Variants in CDH7 observed in about 807,000 individuals in gnomAD.
CDH7 encodes cadherin 7, also known as cadherin-7.
In CDH7, 25 loss-of-function variants were observed where a neutral mutation model predicts 71.8. The observed-to-expected ratio is 0.35, with a 90% confidence interval of 0.25 to 0.49. The LOEUF is 0.49. CDH7 is among the 20% of genes least tolerant of loss of function. The probability of loss-of-function intolerance (pLI) is 0.99; values close to 1 mark genes in which losing one functional copy is unlikely to be tolerated. For synonymous variants in CDH7, 381 were observed against 363.8 expected, an observed-to-expected ratio of 1.05 and a Z score of -0.54; for missense variants, 862 against 974.6, an observed-to-expected ratio of 0.88 and a Z score of 1.54.
intron 4 of CDH7, among the ~76,000 whole-genome samples, chr18:65,821,237 G>GTTGTAAAT: frequency 6.6e-6 from 1 of 152,066 alleles, no homozygotes; most frequent in East Asian, 1.9e-4. Flanking sequence ...TATTTGCTTT[G>GTTGTAAAT]TTGTAAATTT....
At position 65,862,804 on chromosome 18, in the gene CDH7, A is replaced by G. The variant is rs1568226974; in HGVS notation, c.1751A>G (p.Asp584Gly). ...AACACCCTCACCATCCGCGTGTGTGACTGTGATGCTGACGGCGTAGCCCAG... is the reference window on the plus strand; with the variant it reads ...AACACCCTCACCATCCGCGTGTGTGGCTGTGATGCTGACGGCGTAGCCCAG... ...STNTLTIRVCDCDADGVAQTC... is the reference protein window; with the variant it reads ...STNTLTIRVCGCDADGVAQTC... The change falls in exon 11 of 12, where the codon GAC becomes GGC. Residue 584 changes from aspartate (D) to glycine (G), a missense_variant. Physicochemically the swap from Asp to Gly is moderately conservative, Grantham distance 94 (BLOSUM62 -1). Coordinates refer to ENST00000397968, the MANE Select transcript of CDH7 (RefSeq NM_004361.5). The G allele has an allele frequency of 3.7e-6, 6 of 1,614,148 alleles. No homozygotes were observed. Among genetic ancestry groups the G allele is most frequent in the Non-Finnish European group, 5.1e-6 (6 of 1,180,010 alleles).
intron 11 of CDH7, among the ~76,000 whole-genome samples, chr18:65,877,860 ATTG>A (rs1388636531): frequency 2.0e-5 from 3 of 152,178 alleles, no homozygotes; most frequent in South Asian, 2.1e-4. Context: ...TATTTTAAAA[ATTG>A]TTGTCTTTCT....
At chr18:65,757,405 C>T (rs745658811) in intron 1 of CDH7, among the ~76,000 whole-genome samples, 2 of 151,824 alleles carry the variant, frequency 1.3e-5, no homozygotes, top group Admixed American at 6.6e-5. Flanking sequence ...TGCTTCAGTC[C>T]GTTCAAAATA....
chr18:65,854,747 A>G (rs1913288039), intron 7 of CDH7, among the ~76,000 whole-genome samples: 1 of 152,110 alleles, frequency 6.6e-6, no homozygotes, highest in Non-Finnish European at 1.5e-5. Flanking sequence ...AGGTTTTAAT[A>G]TTGGCTTAAT....
At chr18:65,811,324 C>T (rs763065625) in intron 3 of CDH7, among the ~76,000 whole-genome samples, 2 of 151,984 alleles carry the variant, frequency 1.3e-5, no homozygotes, top group Non-Finnish European at 2.9e-5. Flanking sequence ...AATTTCTGTT[C>T]CTATTAGAAG....
At chr18:65,753,160 T>G (rs1236978078) in intron 1 of CDH7, among the ~76,000 whole-genome samples, 1 of 152,166 alleles carries the variant, frequency 6.6e-6, no homozygotes, top group African/African-American at 2.4e-5. Flanking sequence ...AATGACTGTC[T>G]CTCCTGGGCA....
intron 2 of CDH7, among the ~76,000 whole-genome samples, chr18:65,778,998 C>T (rs1326968164): frequency 2.6e-5 from 4 of 151,040 alleles, no homozygotes; most frequent in African/African-American, 9.8e-5. Context: ...ATTTGAAACA[C>T]TTAGTCTCTA....
intron 2 of CDH7, among the ~76,000 whole-genome samples, chr18:65,783,680 G>T (rs1910401628): frequency 6.6e-6 from 1 of 152,154 alleles, no homozygotes; most frequent in Non-Finnish European, 1.5e-5. Flanking sequence ...GATGTAGGCT[G>T]CAATGGGGGT....
At chr18:65,821,892 T>A (rs1466457618) in intron 4 of CDH7, among the ~76,000 whole-genome samples, 189 bp from the exon 5 acceptor site, 1 of 152,178 alleles carries the variant, frequency 6.6e-6, no homozygotes, top group Admixed American at 6.5e-5. Flanking sequence ...AATAATGTTT[T>A]CTCTGTTTTG....
chr18:65,797,313 CT>C (rs1390439754), intron 2 of CDH7, among the ~76,000 whole-genome samples: 1 of 152,116 alleles, frequency 6.6e-6, no homozygotes, highest in Non-Finnish European at 1.5e-5. Context: ...ACCTCACTCT[CT>C]TTTTTCCCTT....
At chr18:65,842,978 A>G (rs562738357) in intron 6 of CDH7, among the ~76,000 whole-genome samples, 1 of 152,198 alleles carries the variant, frequency 6.6e-6, no homozygotes, top group South Asian at 2.1e-4. Flanking sequence ...TTCTGTATCC[A>G]TTGAAGAAAA....
chr18:65,874,854 G>T (rs2144061829), intron 11 of CDH7, among the ~76,000 whole-genome samples: 1 of 152,158 alleles, frequency 6.6e-6, no homozygotes, highest in South Asian at 2.1e-4. Flanking sequence ...TGCCAAAACT[G>T]AATATTGAGC....
chr18:65,760,445 T>G (rs1465599002), intron 1 of CDH7, among the ~76,000 whole-genome samples: 3 of 152,196 alleles, frequency 2.0e-5, no homozygotes, highest in Non-Finnish European at 4.4e-5. Context: ...TTTTTAGAAG[T>G]TGGATGTATT....
chr18:65,882,913 C>T lies in CDH7; in HGVS notation c.*2019C>T, dbSNP rs928407070. On this transcript the variant is annotated 3_prime_UTR_variant, in exon 12 of 12. Transcript: ENST00000397968. ...GCTGAGAAAACAGTTTGTAATAATCCCCTTGTTGTCTGCAAGAAGATGAAA... is the reference window on the plus strand; with the variant it reads ...GCTGAGAAAACAGTTTGTAATAATCTCCTTGTTGTCTGCAAGAAGATGAAA... The T allele has an allele frequency of 6.6e-6, 1 of 151,970 alleles. No individual in the cohort carries two copies. The highest frequency in any genetic ancestry group is 2.4e-5 in the African/African-American group (1 of 41,378). 9.4% of individuals were successfully genotyped at this position (151,970 alleles called of 1,614,324 possible).
Position 65,887,212 on chromosome 18 carries a change from T to C in CDH7, c.*6318T>C, listed in dbSNP as rs1469494355. 6.6e-6 allele frequency: 1 copy of C among 152,134 alleles called. No homozygotes were observed. The highest frequency in any genetic ancestry group is 1.5e-5 in the Non-Finnish European group (1 of 68,030). The allele number at this position is 152,134 out of a possible 1,614,324, so 9.4% of individuals were successfully genotyped here. On this transcript the variant is annotated 3_prime_UTR_variant, in exon 12 of 12. Coordinates refer to ENST00000397968, the MANE Select transcript of CDH7 (RefSeq NM_004361.5). ...AACCCTATGTTTTTGTATATCAAGA[T>C]CTGGAATATGTTGTATACTGTATAT...
intron 11 of CDH7, among the ~76,000 whole-genome samples, chr18:65,874,078 A>G (rs1354609788): frequency 6.6e-6 from 1 of 152,126 alleles, no homozygotes; most frequent in African/African-American, 2.4e-5. Context: ...CTTAGGGTAA[A>G]TCTGTAGAAA....
intron 6 of CDH7, among the ~76,000 whole-genome samples, chr18:65,838,840 A>G (rs1912626198): frequency 6.6e-6 from 1 of 152,224 alleles, no homozygotes; most frequent in African/African-American, 2.4e-5. Context: ...AGAATTTGCC[A>G]AAGACAACAA....
intron 2 of CDH7, among the ~76,000 whole-genome samples, chr18:65,780,814 C>G (rs35072582): frequency 0.31 from 47,209 of 151,594 alleles, 7,545 homozygotes; most frequent in Middle Eastern, 0.46. Flanking sequence ...ATATGACACT[C>G]TCAGGGAAAA....
At chr18:65,764,130 A>G (rs1916284940) in intron 2 of CDH7, among the ~76,000 whole-genome samples, 1 of 152,126 alleles carries the variant, frequency 6.6e-6, no homozygotes, top group Non-Finnish European at 1.5e-5. Context: ...AAGATAGAGG[A>G]ATAATCCTGG....
Sources: allele counts gnomAD v4.1 joint callset (sites outside exome capture counted in the v4.1 genomes callset), GRCh38; gene constraint gnomAD v4.1.1; transcripts MANE v1.5; gene names NCBI Gene and HGNC (gene_info 2026-07-23, HGNC 2026-07-21).